METAP1D: variants seen among roughly 807,000 people sequenced by gnomAD.
METAP1D encodes the protein methionine aminopeptidase 1D, mitochondrial.
Under a neutral mutation model 40.5 loss-of-function variants are expected in METAP1D, and 31 were observed. That is an observed-to-expected ratio of 0.77 (90% confidence interval 0.58 to 1.03). The LOEUF is 1.03. Among genes scored for constraint, METAP1D ranks in the 50% least tolerant of loss-of-function variants. The pLI is 0.00. For synonymous variants in METAP1D, 151 were observed against 146.4 expected, an observed-to-expected ratio of 1.03 and a Z score of -0.22; for missense variants, 411 against 420.7, an observed-to-expected ratio of 0.98 and a Z score of 0.20.
intron 7 of METAP1D, 126 bp downstream of exon 7, chr2:172,078,020 GCA>G: frequency 8.3e-6 from 4 of 483,404 alleles, no homozygotes; most frequent in Admixed American, 3.8e-5. Context: ...GTGTTTATGT[GCA>G]GGGGGCAGGG....
intron 1 of METAP1D, among the ~76,000 whole-genome samples, chr2:172,025,257 A>G (rs1226388974): frequency 1.3e-5 from 2 of 152,190 alleles, no homozygotes; most frequent in Non-Finnish European, 2.9e-5. Context: ...CACAGGATAT[A>G]TGGTGTAGAT....
chr2:172,028,644 T>G (rs1042907401), intron 1 of METAP1D, among the ~76,000 whole-genome samples: 1 of 151,610 alleles, frequency 6.6e-6, no homozygotes, highest in Non-Finnish European at 1.5e-5. Flanking sequence ...TTGTTTTTCA[T>G]TTACCAATAA....
In METAP1D at chr2:172,039,558, A is replaced by G. The variant is rs9973784; in HGVS notation, c.41-21940A>G. 0.047 allele frequency among the ~76,000 whole-genome samples: 7,076 copies of G among 151,774 alleles called. 753 individuals are homozygous for G. In the East Asian group the frequency reaches 0.48, roughly 10 times the overall value. The stretch of plus-strand genomic sequence containing the variant: ...GTCCCAGAATTAAAATAACCCTTTC[A>G]TTTCCTACACTTCACTTCTTAGAAG... On this transcript the variant is annotated intron_variant, in intron 1 of 9. Transcript: ENST00000315796.
chr2:172,007,113 GTT>G (rs11385242), intron 1 of METAP1D, among the ~76,000 whole-genome samples: 4 of 136,772 alleles, frequency 2.9e-5, no homozygotes, highest in African/African-American at 7.9e-5. Flanking sequence ...GTTGACTGCT[GTT>G]TTTTTTTTTA....
intron 1 of METAP1D, among the ~76,000 whole-genome samples, chr2:172,046,470 GACTA>G (rs1574123737): frequency 6.6e-6 from 1 of 152,134 alleles, no homozygotes; most frequent in Non-Finnish European, 1.5e-5. Context: ...AAGATATTAG[GACTA>G]ACTATAGCAT....
intron 1 of METAP1D, among the ~76,000 whole-genome samples, chr2:172,040,531 T>C (rs1172312553): frequency 2.0e-5 from 3 of 152,128 alleles, no homozygotes; most frequent in Non-Finnish European, 4.4e-5. Flanking sequence ...CACACTCTCT[T>C]CGAAAATTTT....
intron 6 of METAP1D, among the ~76,000 whole-genome samples, 160 bp downstream of exon 6, chr2:172,071,230 G>GAA (rs1177012150): frequency 7.2e-6 from 1 of 138,082 alleles, no homozygotes; most frequent in African/African-American, 2.7e-5. Flanking sequence ...TCCCTGAGTT[G>GAA]AAAAAAAAAA....
chr2:172,005,278 T>G (rs551354602), intron 1 of METAP1D, among the ~76,000 whole-genome samples: 2 of 152,038 alleles, frequency 1.3e-5, no homozygotes, highest in Admixed American at 1.3e-4. Flanking sequence ...CAGTGTACAT[T>G]GTACCCAGTA....
intron 8 of METAP1D, 125 bp downstream of exon 8, chr2:172,079,387 C>T: frequency 2.4e-6 from 2 of 830,588 alleles, no homozygotes; most frequent in South Asian, 1.5e-5. Flanking sequence ...AATTCGGATG[C>T]ACTGGAAATC....
rs750798677 is a variant in METAP1D at position 172,080,299 on chromosome 2, C to CGTTCT, written c.930-27_930-23dup. 4 of 1,613,982 alleles carry CGTTCT rather than the reference C, an allele frequency of 2.5e-6. No homozygotes were observed. The East Asian group carries it at 8.9e-5, about 36-fold the overall frequency. On this transcript the variant is annotated intron_variant, in intron 9 of 9. Transcript: ENST00000315796. ...GTGGCCCGGCCGGAGCTTGCGTGCG[C>CGTTCT]GTTCTGACGGCTGGGTGCTGTGTTA...
At chr2:172,012,363 G>A (rs948553908) in intron 1 of METAP1D, among the ~76,000 whole-genome samples, 42 of 152,260 alleles carry the variant, frequency 2.8e-4, no homozygotes, top group African/African-American at 9.4e-4. Context: ...AGCGAGTGAG[G>A]GACACAGCAG....
chr2:172,018,433 A>G (rs1262924141), intron 1 of METAP1D, among the ~76,000 whole-genome samples: 1 of 152,196 alleles, frequency 6.6e-6, no homozygotes. Context: ...AGAGAAAGCA[A>G]GAATTCCCAG....
At chr2:172,080,252 A>C (rs776945540) in intron 9 of METAP1D, 46 bp downstream of exon 9, 3 of 1,613,748 alleles carry the variant, frequency 1.9e-6, no homozygotes, top group Non-Finnish European at 2.5e-6. Context: ...TGGGAAAGGA[A>C]GATTGGTCCG....
Position 172,017,235 on chromosome 2 carries a change from TACACACACAC to T in METAP1D, c.40+17256_40+17265del, listed in dbSNP as rs370746234. Among the ~76,000 whole-genome samples, 250 of 139,478 alleles carry T rather than the reference TACACACACAC, an allele frequency of 1.8e-3. 1 individual carries two copies. Among genetic ancestry groups the T allele is most frequent in the African/African-American group, 5.4e-3 (200 of 37,244 alleles). 91.5% of individuals were successfully genotyped at this position (139,478 alleles called of 152,430 possible). A position where few individuals can be genotyped will look rare whatever the true frequency, so the allele number is the denominator to read the frequency against. ...GTCTGTCTTGTTCCATGAAAGGTTT[TACACACACAC>T]ACACACACACACACACACACACACA... On this transcript the variant is annotated intron_variant, in intron 1 of 9. Transcript: ENST00000315796.
chr2:172,061,050 G>A (rs1219334517), intron 1 of METAP1D, among the ~76,000 whole-genome samples: 2 of 152,206 alleles, frequency 1.3e-5, no homozygotes, highest in Admixed American at 6.5e-5. Context: ...ACTTAACACA[G>A]AGTAGTAATC....
Position 172,080,359 on chromosome 2 carries a change from A to T in METAP1D, c.961A>T (p.Thr321Ser). The T allele has an allele frequency of 6.2e-7, 1 of 1,614,044 alleles. No homozygotes were observed. Among genetic ancestry groups the T allele is most frequent in the Non-Finnish European group, 8.5e-7 (1 of 1,179,898 alleles). The change falls in exon 10 of 10, where the codon ACG becomes TCG. Residue 321 changes from threonine to serine, a missense_variant. By Grantham distance (58) the Thr-to-Ser change is moderately conservative (BLOSUM62 1). Coordinates refer to ENST00000315796, the MANE Select transcript of METAP1D (RefSeq NM_199227.3). ...GCAGTTCGAGCACACGGTTCTGATC[A>T]CGTCGAGGGGCGCGCAGATCCTGAC... ...SAQFEHTVLI[T>S]SRGAQILTKL...
intron 1 of METAP1D, among the ~76,000 whole-genome samples, chr2:172,031,526 A>G (rs1689242025): frequency 1.3e-5 from 2 of 152,256 alleles, no homozygotes; most frequent in Non-Finnish European, 2.9e-5. Flanking sequence ...ATATAATAAG[A>G]TGGAGGAAGT....
At chr2:172,028,396 T>G (rs901495485) in intron 1 of METAP1D, among the ~76,000 whole-genome samples, 7 of 151,956 alleles carry the variant, frequency 4.6e-5, no homozygotes, top group African/African-American at 1.7e-4. Context: ...GTCAGACCAT[T>G]GCAGGCCCTC....
intron 1 of METAP1D, among the ~76,000 whole-genome samples, chr2:172,016,325 AT>A (rs1688863184): frequency 1.9e-5 from 2 of 106,836 alleles, no homozygotes; most frequent in African/African-American, 6.2e-5. Flanking sequence ...ATATATATAT[AT>A]ATATAAATAG....
Sources: gnomAD v4.1 joint callset for allele counts (sites outside exome capture counted in the v4.1 genomes callset) on GRCh38, gnomAD v4.1.1 for gene constraint, MANE v1.5 for transcripts, NCBI Gene and HGNC (gene_info 2026-07-23, HGNC 2026-07-21) for gene names.